The following ZNF830 variants were observed in gnomAD, a reference collection of about 807,000 sequenced individuals.
ZNF830 encodes the protein zinc finger protein 830, also known as coiled-coil domain containing 16.
Under a neutral mutation model 28.1 loss-of-function variants are expected in ZNF830, and 15 were observed. The observed-to-expected ratio is 0.53, with a 90% CI of 0.36 to 0.82. The LOEUF (loss-of-function observed/expected upper bound fraction) is 0.82. Among genes scored for constraint, ZNF830 ranks in the 40% least tolerant of loss-of-function variants. The probability of loss-of-function intolerance (pLI) is 0.01; values close to 1 mark genes in which losing one functional copy is unlikely to be tolerated. For missense variants in ZNF830, 456 were observed against 467.7 expected (o/e 0.97, Z 0.23); for synonymous variants, 208 against 185.3 (o/e 1.12, Z -0.99).
In ZNF830 at chr17:34,962,423, C is replaced by T. The variant is rs2090431651; in HGVS notation, c.857C>T (p.Thr286Ile). The T allele has an allele frequency of 6.2e-7, 1 of 1,614,152 alleles. No homozygotes were observed. Among genetic ancestry groups the T allele is most frequent in the African/African-American group, 1.3e-5 (1 of 75,024 alleles). Residue 286 changes from threonine (T) to isoleucine (I), a missense_variant, in exon 1 of 1, where the codon ACT (threonine) becomes ATT (isoleucine). Thr to Ile is a moderately conservative substitution (Grantham distance 89, BLOSUM62 -1). This residue lies in a region of ZNF830 where 125 missense variants were observed against 177.7 expected (regional missense o/e 0.70). Coordinates refer to ENST00000361952, the MANE Select transcript of ZNF830 (RefSeq NM_052857.4). ...EFQKAMRQVN[T>I]ISEAIVAEED... Reference sequence around the variant, plus strand: ...CAAAAAGCCATGAGGCAGGTCAACACTATTTCCGAAGCCATAGTTGCCGAA... The same window carrying T: ...CAAAAAGCCATGAGGCAGGTCAACATTATTTCCGAAGCCATAGTTGCCGAA...
At position 34,961,566 on chromosome 17, in the gene ZNF830, G is replaced by T; in HGVS notation, c.-1G>T. On this transcript the variant is annotated 5_prime_UTR_variant, in exon 1 of 1. Coordinates refer to ENST00000361952, the MANE Select transcript of ZNF830 (RefSeq NM_052857.4). ...GAATCGTTTTGGGTCTGGTCGCCAA[G>T]ATGGCGTCCTCCGCCTCCGCCCGGA... 1.2e-6 allele frequency: 2 copies of T among 1,613,290 alleles called. No homozygotes were observed. The highest frequency in any genetic ancestry group is 1.7e-6 in the Non-Finnish European group (2 of 1,179,396).
rs763843536 is a variant in ZNF830 at position 34,962,093 on chromosome 17, A to T, written c.527A>T (p.Lys176Ile). 3 of 1,614,036 alleles carry T rather than the reference A, an allele frequency of 1.9e-6. No homozygotes were observed. The highest frequency in any genetic ancestry group is 2.5e-6 in the Non-Finnish European group (3 of 1,180,016). Residue 176 changes from lysine to isoleucine, a missense_variant, in exon 1 of 1, where the codon AAA becomes ATA. Lys to Ile is a moderately radical substitution (Grantham distance 102, BLOSUM62 -3). Transcript: ENST00000361952. ...GAGGAGGAAGGAGATGGAGAAAGAAAAAGGGGGGACGCCAGCAAGCCGCTC... is the reference window on the plus strand; with the variant it reads ...GAGGAGGAAGGAGATGGAGAAAGAATAAGGGGGGACGCCAGCAAGCCGCTC... ...EEEEEGDGER[K>I]RGDASKPLSD... is the part of the protein sequence containing the mutation.
chr17:34,961,695 G>A lies in ZNF830; in HGVS notation c.129G>A (p.Ala43=). Residue 43 remains alanine, a synonymous_variant, in exon 1 of 1, where the codon GCG becomes GCA. Coordinates refer to ENST00000361952, the MANE Select transcript of ZNF830 (RefSeq NM_052857.4). ...TSRKRIESPF[A]KYNRLGQLSC... is the part of the protein sequence containing the mutation. ...GGAAACGGATAGAATCTCCATTCGC[G>A]AAGTACAACCGTTTGGGGCAGCTGA... The A allele has an allele frequency of 6.2e-7, 1 of 1,614,232 alleles. No individual in the cohort carries two copies. The highest frequency in any genetic ancestry group is 8.5e-7 in the Non-Finnish European group (1 of 1,180,044).
At position 34,962,437 on chromosome 17, in the gene ZNF830, A is replaced by G; in HGVS notation, c.871A>G (p.Ile291Val). 3 of 1,614,234 alleles carry G rather than the reference A, an allele frequency of 1.9e-6. No homozygotes were observed. The highest frequency in any genetic ancestry group is 2.5e-6 in the Non-Finnish European group (3 of 1,180,044). ...GCAGGTCAACACTATTTCCGAAGCCATAGTTGCCGAAGAGGATGAGGAGGG... is the reference window on the plus strand; with the variant it reads ...GCAGGTCAACACTATTTCCGAAGCCGTAGTTGCCGAAGAGGATGAGGAGGG... ...MRQVNTISEA[I>V]VAEEDEEGRL... The change falls in exon 1 of 1, where the codon ATA becomes GTA. Residue 291 changes from isoleucine (I) to valine (V), a missense_variant. By Grantham distance (29) the Ile-to-Val change is conservative (BLOSUM62 3). Coordinates refer to ENST00000361952, the MANE Select transcript of ZNF830 (RefSeq NM_052857.4).
rs1413570094 is a variant in ZNF830, at chr17:34,962,685, G to A, written c.1119G>A (p.Ter373=). 2.5e-6 allele frequency: 4 copies of A among 1,573,932 alleles called. No homozygotes were observed. Among genetic ancestry groups the A allele is most frequent in the Non-Finnish European group, 2.6e-6 (3 of 1,165,432 alleles). The change falls in exon 1 of 1, where the codon TAG becomes TAA. Residue 373 remains the stop codon, a stop_retained_variant. Transcript: ENST00000361952. ...QDWRVKGALL[*] ...GGAGGGTGAAAGGGGCATTGTTATA[G>A]GGTTTTAAAGACCCAAGGTTTCTAA...
Position 34,962,892 on chromosome 17 carries a change from G to T in ZNF830, c.*207G>T. 4.6e-6 allele frequency: 4 copies of T among 868,634 alleles called. No homozygotes were observed. The highest frequency in any genetic ancestry group is 6.2e-5 in the South Asian group (2 of 32,282). The allele number at this position is 868,634 out of a possible 1,614,324, so 53.8% of individuals were successfully genotyped here. A position where few individuals can be genotyped will look rare whatever the true frequency, so the allele number is the denominator to read the frequency against. On this transcript the variant is annotated 3_prime_UTR_variant, in exon 1 of 1. Transcript: ENST00000361952. ...AGGTAAAGTTGTTTTTGAAATTTCTGAAGTGTTATATACCAAAATGCCAAC... is the reference window on the plus strand; with the variant it reads ...AGGTAAAGTTGTTTTTGAAATTTCTTAAGTGTTATATACCAAAATGCCAAC...
In ZNF830 at chr17:34,962,924, A is replaced by G; in HGVS notation, c.*239A>G. ...TATATACCAAAATGCCAACATTTCC[A>G]CGACAGACTTAACTGTATAATTTCG... On this transcript the variant is annotated 3_prime_UTR_variant, in exon 1 of 1. Transcript: ENST00000361952. 1 of 457,316 alleles carries G rather than the reference A, an allele frequency of 2.2e-6. No homozygotes were observed. Among genetic ancestry groups the G allele is most frequent in the South Asian group, 5.8e-5 (1 of 17,278 alleles). 28.3% of individuals were successfully genotyped at this position (457,316 alleles called of 1,614,324 possible).
Position 34,962,864 on chromosome 17 carries a change from T to C in ZNF830, c.*179T>C. On this transcript the variant is annotated 3_prime_UTR_variant, in exon 1 of 1. Transcript: ENST00000361952. ...TTTGGAAAATTTGTGTAACATGTTT[T>C]TGAGGTAAAGTTGTTTTTGAAATTT... The C allele has an allele frequency of 8.6e-7, 1 of 1,167,848 alleles. No homozygotes were observed. The highest frequency in any genetic ancestry group is 1.1e-6 in the Non-Finnish European group (1 of 881,698). The allele number at this position is 1,167,848 out of a possible 1,614,324, so 72.3% of individuals were successfully genotyped here.
In ZNF830 at chr17:34,963,230, A is replaced by G. The variant is rs986400510; in HGVS notation, c.*545A>G. 1 of 163,892 alleles carries G rather than the reference A, an allele frequency of 6.1e-6. No homozygotes were observed. Among genetic ancestry groups the G allele is most frequent in the Non-Finnish European group, 1.5e-5 (1 of 68,256 alleles). The allele number at this position is 163,892 out of a possible 1,614,324, so 10.2% of individuals were successfully genotyped here. A position where few individuals can be genotyped will look rare whatever the true frequency, so the allele number is the denominator to read the frequency against. On this transcript the variant is annotated 3_prime_UTR_variant, in exon 1 of 1. Coordinates refer to ENST00000361952, the MANE Select transcript of ZNF830 (RefSeq NM_052857.4). ...TTTATTTTAAAAACATAAGAAAACTATATGCCAAACATGACCAAACCAATG... is the reference window on the plus strand; with the variant it reads ...TTTATTTTAAAAACATAAGAAAACTGTATGCCAAACATGACCAAACCAATG...
chr17:34,961,837 G>C lies in ZNF830; in HGVS notation c.271G>C (p.Gly91Arg). Residue 91 changes from glycine to arginine, a missense_variant, in exon 1 of 1, where the codon GGT (glycine) becomes CGT (arginine). Physicochemically the swap from Gly to Arg is moderately radical, Grantham distance 125. Around this residue, in one of 2 missense-constraint regions of ZNF830, gnomAD observed 331 missense variants for 290.1 expected, o/e 1.14. Transcript: ENST00000361952. Reference sequence around the variant, plus strand: ...GAAAGGCGCGAAGGAAGCCAGCCAGGGTTCGTCCGCCAGTTCAGCGCCTCA... The same window carrying C: ...GAAAGGCGCGAAGGAAGCCAGCCAGCGTTCGTCCGCCAGTTCAGCGCCTCA... ...ELKGAKEASQ[G>R]SSASSAPHSV... The C allele has an allele frequency of 6.2e-7, 1 of 1,613,934 alleles. No individual in the cohort carries two copies. Among genetic ancestry groups the C allele is most frequent in the Non-Finnish European group, 8.5e-7 (1 of 1,180,014 alleles).
Position 34,963,167 on chromosome 17 carries a change from C to A in ZNF830, c.*482C>A, listed in dbSNP as rs2090438472. ...GGTTTTTTAGAACACTTCATAAACA[C>A]ATAAGTCATTGTAGGTTAATCAGTT... On this transcript the variant is annotated 3_prime_UTR_variant, in exon 1 of 1. Transcript: ENST00000361952. 1 of 167,922 alleles carries A rather than the reference C, an allele frequency of 6.0e-6. No homozygotes were observed. The highest frequency in any genetic ancestry group is 2.0e-4 in the South Asian group (1 of 4,908). The allele number at this position is 167,922 out of a possible 1,614,324, so 10.4% of individuals were successfully genotyped here. A position where few individuals can be genotyped will look rare whatever the true frequency, so the allele number is the denominator to read the frequency against.
At position 34,962,128 on chromosome 17, in the gene ZNF830, C is replaced by CA; in HGVS notation, c.563dup (p.Lys190GlnfsTer14). ...CGCCAGCAAGCCGCTCTCCGACGCA[C>CA]AGGGCAAGGAGCACTCAGTTTCCTC... On this transcript the variant is annotated frameshift_variant, in exon 1 of 1. Coordinates refer to ENST00000361952, the MANE Select transcript of ZNF830 (RefSeq NM_052857.4). LOFTEE classifies it high-confidence loss of function. 2 of 1,614,172 alleles carry CA rather than the reference C, an allele frequency of 1.2e-6. No individual in the cohort carries two copies. Among genetic ancestry groups the CA allele is most frequent in the Non-Finnish European group, 1.7e-6 (2 of 1,180,024 alleles).
Position 34,962,203 on chromosome 17 carries a change from A to G in ZNF830, c.637A>G (p.Asn213Asp), listed in dbSNP as rs373195985. The change falls in exon 1 of 1, where the codon AAT becomes GAT. Residue 213 changes from asparagine to aspartate, a missense_variant. By Grantham distance (23) the Asn-to-Asp change is conservative. Transcript: ENST00000361952. ...SVLPNDFFST[N>D]PPKAPIIPHS... ...GCTGCCAAACGATTTCTTTAGTACTAATCCTCCCAAGGCCCCCATAATTCC... is the reference window on the plus strand; with the variant it reads ...GCTGCCAAACGATTTCTTTAGTACTGATCCTCCCAAGGCCCCCATAATTCC... 1.9e-6 allele frequency: 3 copies of G among 1,613,868 alleles called. No homozygotes were observed. Among genetic ancestry groups the G allele is most frequent in the African/African-American group, 2.7e-5 (2 of 74,920 alleles).
chr17:34,962,214 G>C lies in ZNF830; in HGVS notation c.648G>C (p.Lys216Asn), dbSNP rs553771184. Residue 216 changes from lysine to asparagine, a missense_variant, in exon 1 of 1, where the codon AAG (lysine) becomes AAC (asparagine). By Grantham distance (94) the Lys-to-Asn change is moderately conservative. Coordinates refer to ENST00000361952, the MANE Select transcript of ZNF830 (RefSeq NM_052857.4). Reference sequence around the variant, plus strand: ...ATTTCTTTAGTACTAATCCTCCCAAGGCCCCCATAATTCCTCATTCAGGGT... The same window carrying C: ...ATTTCTTTAGTACTAATCCTCCCAACGCCCCCATAATTCCTCATTCAGGGT... Reference protein sequence around the residue: ...PNDFFSTNPPKAPIIPHSGSI... With the variant: ...PNDFFSTNPPNAPIIPHSGSI... The C allele has an allele frequency of 6.2e-7, 1 of 1,613,940 alleles. No homozygotes were observed. The highest frequency in any genetic ancestry group is 2.2e-5 in the East Asian group (1 of 44,884).
Position 34,961,884 on chromosome 17 carries a change from G to A in ZNF830, c.318G>A (p.Pro106=), listed in dbSNP as rs755616308. 9.3e-6 allele frequency: 15 copies of A among 1,613,974 alleles called. No individual in the cohort carries two copies. In the South Asian group the frequency reaches 1.4e-4, roughly 15 times the overall value. Residue 106 remains proline (P), a synonymous_variant, in exon 1 of 1, where the codon CCG becomes CCA. Coordinates refer to ENST00000361952, the MANE Select transcript of ZNF830 (RefSeq NM_052857.4). ...SAPHSVKRKA[P]DADDQDVKRA... is the part of the protein sequence containing the mutation. ...CTCATTCCGTCAAGAGGAAAGCGCC[G>A]GACGCAGACGACCAAGATGTCAAGA... is the stretch of plus-strand genomic sequence containing the variant.
chr17:34,961,806 C>T lies in ZNF830; in HGVS notation c.240C>T (p.Ala80=). The change falls in exon 1 of 1, where the codon GCC becomes GCT. Residue 80 remains alanine, a synonymous_variant. Transcript: ENST00000361952. ...VLGKQHREKV[A]ELKGAKEASQ... is the part of the protein sequence containing the mutation. Reference sequence around the variant, plus strand: ...GAAAGCAGCACCGAGAGAAAGTGGCCGAGCTGAAAGGCGCGAAGGAAGCCA... The same window carrying T: ...GAAAGCAGCACCGAGAGAAAGTGGCTGAGCTGAAAGGCGCGAAGGAAGCCA... The T allele has an allele frequency of 1.2e-6, 2 of 1,613,958 alleles. No homozygotes were observed. The highest frequency in any genetic ancestry group is 1.1e-5 in the South Asian group (1 of 91,066).
Position 34,961,805 on chromosome 17 carries a change from C to T in ZNF830, c.239C>T (p.Ala80Val). The T allele has an allele frequency of 6.2e-7, 1 of 1,613,958 alleles. No individual in the cohort carries two copies. The highest frequency in any genetic ancestry group is 1.7e-4 in the Middle Eastern group (1 of 6,060). ...GGAAAGCAGCACCGAGAGAAAGTGG[C>T]CGAGCTGAAAGGCGCGAAGGAAGCC... ...VLGKQHREKV[A>V]ELKGAKEASQ... The change falls in exon 1 of 1, where the codon GCC becomes GTC. Residue 80 changes from alanine (A) to valine (V), a missense_variant. Around this residue, in one of 2 missense-constraint regions of ZNF830, gnomAD observed 331 missense variants for 290.1 expected, o/e 1.14. Transcript: ENST00000361952.
rs772819736 is a variant in ZNF830 at position 34,962,639 on chromosome 17, A to T, written c.1073A>T (p.Gln358Leu). 1 of 1,611,554 alleles carries T rather than the reference A, an allele frequency of 6.2e-7. No homozygotes were observed. Among genetic ancestry groups the T allele is most frequent in the Non-Finnish European group, 8.5e-7 (1 of 1,179,136 alleles). The change falls in exon 1 of 1, where the codon CAG (glutamine) becomes CTG (leucine). Residue 358 changes from glutamine (Q) to leucine (L), a missense_variant. By Grantham distance (113) the Gln-to-Leu change is moderately radical. Around this residue, in one of 2 missense-constraint regions of ZNF830, gnomAD observed 125 missense variants for 177.7 expected, o/e 0.70. Transcript: ENST00000361952. ...NADSDDEGEL[Q>L]DLLSQDWRVK... Reference sequence around the variant, plus strand: ...GACAGCGATGATGAGGGGGAACTACAGGATTTGTTGTCTCAGGATTGGAGG... The same window carrying T: ...GACAGCGATGATGAGGGGGAACTACTGGATTTGTTGTCTCAGGATTGGAGG...
chr17:34,961,839 T>A lies in ZNF830; in HGVS notation c.273T>A (p.Gly91=), dbSNP rs773868157. 1 of 1,612,454 alleles carries A rather than the reference T, an allele frequency of 6.2e-7. No homozygotes were observed. Among genetic ancestry groups the A allele is most frequent in the Non-Finnish European group, 8.5e-7 (1 of 1,179,832 alleles). ...ELKGAKEASQ[G]SSASSAPHSV... ...AAGGCGCGAAGGAAGCCAGCCAGGGTTCGTCCGCCAGTTCAGCGCCTCATT... is the reference window on the plus strand; with the variant it reads ...AAGGCGCGAAGGAAGCCAGCCAGGGATCGTCCGCCAGTTCAGCGCCTCATT... The change falls in exon 1 of 1, where the codon GGT becomes GGA. Residue 91 remains glycine, a synonymous_variant. Coordinates refer to ENST00000361952, the MANE Select transcript of ZNF830 (RefSeq NM_052857.4).
Sources: allele counts gnomAD v4.1 joint callset, GRCh38; gene constraint gnomAD v4.1.1; regional missense constraint gnomAD v4.1.1; transcripts MANE v1.5; gene names NCBI Gene and HGNC (gene_info 2026-07-23, HGNC 2026-07-21).